The following IPO11 variants were observed in gnomAD, a reference collection of about 807,000 sequenced individuals.
IPO11 encodes importin 11.
IPO11 carries 66 observed loss-of-function variants against 143.2 expected under a neutral mutation model. The observed-to-expected ratio is 0.46, with a 90% CI of 0.38 to 0.57. IPO11 has a LOEUF of 0.57. Among genes scored for constraint, IPO11 ranks in the 20% least tolerant of loss-of-function variants. IPO11 has a pLI of 0.00. For synonymous variants in IPO11, 385 were observed against 377.8 expected (o/e 1.02, Z -0.22); for missense variants, 1,026 against 1,141.0 (o/e 0.90, Z 1.45).
chr5:62,529,223 G>T (rs1453668906), intron 21 of IPO11, among the ~76,000 whole-genome samples: 2 of 151,676 alleles, frequency 1.3e-5, no homozygotes, highest in African/African-American at 4.8e-5. Context: ...TAGTTTTTTT[G>T]TTTCTAAGAA....
intron 16 of IPO11, among the ~76,000 whole-genome samples, chr5:62,498,956 T>G (rs1046807243): frequency 6.6e-6 from 1 of 152,212 alleles, no homozygotes; most frequent in African/African-American, 2.4e-5. Flanking sequence ...AATTCAGCAT[T>G]AGTATAATCT....
intron 29 of IPO11, among the ~76,000 whole-genome samples, chr5:62,609,470 G>C (rs1345745534): frequency 6.6e-6 from 1 of 152,198 alleles, no homozygotes; most frequent in Non-Finnish European, 1.5e-5. Context: ...AAGCTCCCTA[G>C]TGCCTAACAG....
chr5:62,415,450 C>T (rs112577330), intron 1 of IPO11, among the ~76,000 whole-genome samples: 1 of 147,172 alleles, frequency 6.8e-6, no homozygotes, highest in African/African-American at 2.5e-5. Flanking sequence ...GGAGTGAGCC[C>T]GGCCCCGTCT....
chr5:62,447,190 C>CT (rs1404228736), intron 3 of IPO11, among the ~76,000 whole-genome samples: 4 of 152,176 alleles, frequency 2.6e-5, no homozygotes, highest in Non-Finnish European at 4.4e-5. Context: ...AGTGTAACCT[C>CT]TAACTCCTGG....
chr5:62,585,265 G>A (rs1169641357), intron 27 of IPO11, among the ~76,000 whole-genome samples: 2 of 152,116 alleles, frequency 1.3e-5, no homozygotes, highest in Admixed American at 1.3e-4. Flanking sequence ...TCAAGCTTTG[G>A]CTTTCAAAAC....
At chr5:62,621,870 AAC>A (rs1746390914) in intron 29 of IPO11, among the ~76,000 whole-genome samples, 1 of 152,094 alleles carries the variant, frequency 6.6e-6, no homozygotes, top group Non-Finnish European at 1.5e-5. Flanking sequence ...GGAGGAGTCA[AAC>A]AATGATTAAA....
intron 27 of IPO11, among the ~76,000 whole-genome samples, chr5:62,584,750 G>GTTT (rs546235754): frequency 7.6e-6 from 1 of 131,436 alleles, no homozygotes; most frequent in Non-Finnish European, 1.7e-5. Context: ...TTTTGTTTTT[G>GTTT]TTTTTTTTTT....
chr5:62,517,337 T>C (rs2112289507), intron 20 of IPO11, among the ~76,000 whole-genome samples: 1 of 152,348 alleles, frequency 6.6e-6, no homozygotes, highest in South Asian at 2.1e-4. Context: ...TGAATGCATT[T>C]ATAAGTAATA....
chr5:62,423,895 A>G (rs1178380445), intron 1 of IPO11, among the ~76,000 whole-genome samples: 1 of 152,050 alleles, frequency 6.6e-6, no homozygotes, highest in African/African-American at 2.4e-5. Flanking sequence ...TCTTTGGCAT[A>G]TTGTATTTCT....
At chr5:62,477,363 C>G (rs1359708878) in intron 9 of IPO11, among the ~76,000 whole-genome samples, 1 of 152,148 alleles carries the variant, frequency 6.6e-6, no homozygotes, top group Non-Finnish European at 1.5e-5. Context: ...ACAACTAAAT[C>G]TGTAATCTAT....
intron 5 of IPO11, among the ~76,000 whole-genome samples, chr5:62,452,620 C>CAAAAAAAAAAAAA: frequency 6.7e-6 from 1 of 149,596 alleles, no homozygotes; most frequent in Non-Finnish European, 1.5e-5. Context: ...GGAGTGACAG[C>CAAAAAAAAAAAAA]CTTTTATCAG....
intron 24 of IPO11, among the ~76,000 whole-genome samples, chr5:62,548,482 C>G (rs1209392377): frequency 6.6e-6 from 1 of 152,056 alleles, no homozygotes; most frequent in Non-Finnish European, 1.5e-5. Context: ...CCATTGGGCA[C>G]TGATGGGCTC....
At chr5:62,538,038 T>C (rs995518869) in intron 24 of IPO11, among the ~76,000 whole-genome samples, 1 of 152,054 alleles carries the variant, frequency 6.6e-6, no homozygotes, top group African/African-American at 2.4e-5. Flanking sequence ...AAATATAAAA[T>C]TGATTAAAAA....
At chr5:62,440,458 G>A (rs970350601) in intron 2 of IPO11, among the ~76,000 whole-genome samples, 1 of 150,448 alleles carries the variant, frequency 6.6e-6, no homozygotes, top group Non-Finnish European at 1.5e-5. Context: ...GGGTTCAAGC[G>A]ATTCTCCTGC....
chr5:62,509,154 A>G (rs1487022460), intron 19 of IPO11, among the ~76,000 whole-genome samples: 1 of 152,198 alleles, frequency 6.6e-6, no homozygotes, highest in Non-Finnish European at 1.5e-5. Context: ...TAGTGCAGAG[A>G]TCTTATAAAT....
intron 12 of IPO11, among the ~76,000 whole-genome samples, chr5:62,486,239 C>G (rs1746401291): frequency 6.6e-6 from 1 of 152,120 alleles, no homozygotes; most frequent in African/African-American, 2.4e-5. Flanking sequence ...CTCGGCCTCC[C>G]TAAGTGCTGG....
chr5:62,620,792 G>A (rs572196962), intron 29 of IPO11, among the ~76,000 whole-genome samples: 8 of 152,320 alleles, frequency 5.3e-5, no homozygotes, highest in Admixed American at 2.0e-4. Context: ...TAATACTGGA[G>A]AGGTATAATG....
At chr5:62,416,640 C>A (rs1049548091) in intron 1 of IPO11, among the ~76,000 whole-genome samples, 2 of 152,060 alleles carry the variant, frequency 1.3e-5, no homozygotes, top group Non-Finnish European at 2.9e-5. Context: ...CAGTTCAATC[C>A]ATAACATTCA....
At chr5:62,489,398 G>C in intron 14 of IPO11, 49 bp downstream of exon 14, 1 of 1,316,386 alleles carries the variant, frequency 7.6e-7, no homozygotes, top group South Asian at 1.4e-5. Flanking sequence ...TCAGTAGATG[G>C]AGAGTCTGTT....
Sources: gnomAD v4.1 joint callset for allele counts (sites outside exome capture counted in the v4.1 genomes callset) on GRCh38, gnomAD v4.1.1 for gene constraint, MANE v1.5 for transcripts, NCBI Gene and HGNC (gene_info 2026-07-23, HGNC 2026-07-21) for gene names.